The following MCTP1 variants were observed in gnomAD, a reference collection of about 807,000 sequenced individuals.
The protein encoded by MCTP1 is multiple C2 and transmembrane domain containing 1, also known as multiple C2 and transmembrane domain-containing protein 1.
In MCTP1, 69 loss-of-function variants were observed where a neutral mutation model predicts 120.6. That is an observed-to-expected ratio of 0.57 (90% CI 0.47 to 0.70). The LOEUF (loss-of-function observed/expected upper bound fraction) is 0.70, where lower values mean the gene tolerates loss of function less well. Ranked by LOEUF, MCTP1 falls within the 30% of genes least tolerant of loss-of-function variation. The pLI, the probability that MCTP1 is intolerant of heterozygous loss-of-function variation, is 0.00. For missense variants in MCTP1, 1,203 were observed against 1,248.8 expected (o/e 0.96, Z 0.55); for synonymous variants, 529 against 493.1 (o/e 1.07, Z -0.96).
At chr5:95,056,083 AG>A (rs1486096850) in intron 1 of MCTP1, among the ~76,000 whole-genome samples, 1 of 152,220 alleles carries the variant, frequency 6.6e-6, no homozygotes, top group Non-Finnish European at 1.5e-5. Flanking sequence ...AAAATATAAA[AG>A]TATTATGCAA....
At chr5:95,027,773 C>T (rs1049841181) in intron 1 of MCTP1, among the ~76,000 whole-genome samples, 2 of 152,334 alleles carry the variant, frequency 1.3e-5, no homozygotes, top group Non-Finnish European at 2.9e-5. Context: ...CTTACCTCTT[C>T]TGGCCTTCTT....
At chr5:95,137,337 G>A (rs556733374) in intron 1 of MCTP1, among the ~76,000 whole-genome samples, 4 of 152,194 alleles carry the variant, frequency 2.6e-5, no homozygotes, top group East Asian at 1.9e-4. Context: ...CAGCATTGTC[G>A]TCAATAACAC....
intron 17 of MCTP1, among the ~76,000 whole-genome samples, chr5:94,837,229 C>T (rs944718925): frequency 6.6e-6 from 1 of 151,918 alleles, no homozygotes; most frequent in African/African-American, 2.4e-5. Context: ...AATAAAAAAA[C>T]ATTAGCCAGG....
chr5:94,932,052 G>A (rs1814821060), intron 5 of MCTP1, 61 bp from the exon 6 acceptor site: 5 of 1,214,738 alleles, frequency 4.1e-6, no homozygotes, highest in Non-Finnish European at 4.8e-6. Flanking sequence ...AGGGCAGCCA[G>A]TTGTTTTTTA....
At chr5:95,277,493 G>C (rs1291309655) in intron 1 of MCTP1, among the ~76,000 whole-genome samples, 2 of 152,150 alleles carry the variant, frequency 1.3e-5, no homozygotes, top group Non-Finnish European at 2.9e-5. Context: ...CTTTTCCAGA[G>C]GTCTTATCTC....
rs1293742753 is a variant in MCTP1 at position 94,985,006 on chromosome 5, C to T, written c.839-31645G>A. Among the ~76,000 whole-genome samples, 6 of 152,058 alleles carry T rather than the reference C, an allele frequency of 3.9e-5. No individual in the cohort carries two copies. The East Asian group carries it at 9.7e-4, about 24-fold the overall frequency. ...TATCCAAGGCATTTTAAGTACTATACAAAAATGTATGCAAATGTGTGATAA... is the reference window on the plus strand; with the variant it reads ...TATCCAAGGCATTTTAAGTACTATATAAAAATGTATGCAAATGTGTGATAA... On this transcript the variant is annotated intron_variant, in intron 2 of 22. Coordinates refer to ENST00000515393, the MANE Select transcript of MCTP1 (RefSeq NM_024717.7).
rs1561916418 is a variant in MCTP1, at chr5:94,953,848, AC to A, written c.839-488del. Among the ~76,000 whole-genome samples the A allele has an allele frequency of 6.1e-5, 5 of 81,314 alleles. 1 individual carries two copies. Among genetic ancestry groups the A allele is most frequent in the African/African-American group, 2.1e-4 (4 of 19,142 alleles). 53.3% of individuals were successfully genotyped at this position (81,314 alleles called of 152,430 possible). On this transcript the variant is annotated intron_variant, in intron 2 of 22. Transcript: ENST00000515393. Reference sequence around the variant, plus strand: ...ATATATACATATATATATATACACAACTATATATATGCATATATATACAAAT... The same window carrying A: ...ATATATACATATATATATATACACAATATATATATGCATATATATACAAAT...
intron 1 of MCTP1, among the ~76,000 whole-genome samples, chr5:95,214,109 T>C (rs1752742723): frequency 6.6e-6 from 1 of 152,274 alleles, no homozygotes; most frequent in African/African-American, 2.4e-5. Flanking sequence ...TTTGGCAACC[T>C]ACTCATTTGA....
intron 1 of MCTP1, among the ~76,000 whole-genome samples, chr5:95,061,153 A>G (rs981261079): frequency 2.0e-5 from 3 of 151,840 alleles, no homozygotes; most frequent in Admixed American, 6.6e-5. Flanking sequence ...AGTATAACCT[A>G]TGACTCTATG....
At chr5:94,974,082 C>G (rs1044203672) in intron 2 of MCTP1, among the ~76,000 whole-genome samples, 5 of 151,982 alleles carry the variant, frequency 3.3e-5, no homozygotes, top group African/African-American at 1.2e-4. Flanking sequence ...AACATGAAGA[C>G]AAAGTAATAT....
In MCTP1 at chr5:94,888,961, C is replaced by T. The variant is rs1801933702; in HGVS notation, c.1851G>A (p.Arg617=). The change falls in exon 12 of 23, where the codon AGG becomes AGA. Residue 617 remains arginine (R), a synonymous_variant. Transcript: ENST00000515393. The part of the protein sequence containing the change: ...EEILKRYSPL[R]IFHNLKDVGF... ...CCACATCTTTCAGGTTGTGAAATAT[C>T]CTCAATGGGCTCTGAAAGACCCCAA... The T allele has an allele frequency of 1.2e-6, 2 of 1,612,280 alleles. No homozygotes were observed. Among genetic ancestry groups the T allele is most frequent in the Admixed American group, 3.3e-5 (2 of 59,990 alleles).
At position 94,705,984 on chromosome 5, in the gene MCTP1, TAAGA is replaced by T. The variant is rs1384866844; in HGVS notation, c.*1508_*1511del. The T allele has an allele frequency of 1.3e-5, 2 of 151,694 alleles. No homozygotes were observed. The highest frequency in any genetic ancestry group is 3.0e-5 in the Non-Finnish European group (2 of 67,736). 9.4% of individuals were successfully genotyped at this position (151,694 alleles called of 1,614,324 possible). The stretch of plus-strand genomic sequence containing the variant: ...TAAACAGATCAAAATAGTTCTATTA[TAAGA>T]AATAGTATTTAACAACTTATCTCTA... On this transcript the variant is annotated 3_prime_UTR_variant, in exon 23 of 23. Coordinates refer to ENST00000515393, the MANE Select transcript of MCTP1 (RefSeq NM_024717.7).
chr5:95,149,540 G>T (rs1229664984), intron 1 of MCTP1, among the ~76,000 whole-genome samples: 2 of 152,122 alleles, frequency 1.3e-5, no homozygotes, highest in Non-Finnish European at 1.5e-5. Context: ...GGTGGAGTCT[G>T]CCATATGGGT....
chr5:95,033,218 C>T (rs945057082), intron 1 of MCTP1, among the ~76,000 whole-genome samples: 1 of 151,972 alleles, frequency 6.6e-6, no homozygotes, highest in African/African-American at 2.4e-5. Flanking sequence ...CTATCTAATT[C>T]ATTCTATAAA....
chr5:95,216,853 C>G (rs2152583547), intron 1 of MCTP1, among the ~76,000 whole-genome samples: 1 of 152,308 alleles, frequency 6.6e-6, no homozygotes, highest in East Asian at 1.9e-4. Flanking sequence ...TCAAATACTT[C>G]ATCTTTAAAT....
chr5:95,030,287 T>A (rs1485522488), intron 1 of MCTP1, among the ~76,000 whole-genome samples: 1 of 152,186 alleles, frequency 6.6e-6, no homozygotes, highest in African/African-American at 2.4e-5. Flanking sequence ...TTCCTGCCAA[T>A]ACCCCTTCAG....
At chr5:95,176,678 T>C (rs919916332) in intron 1 of MCTP1, among the ~76,000 whole-genome samples, 30 of 152,032 alleles carry the variant, frequency 2.0e-4, no homozygotes, top group Admixed American at 2.0e-3. Context: ...CAAAACCCTG[T>C]CTCTACTAAA....
chr5:94,866,951 G>A (rs1427174139), intron 17 of MCTP1, among the ~76,000 whole-genome samples: 1 of 151,802 alleles, frequency 6.6e-6, no homozygotes, highest in Admixed American at 6.6e-5. Context: ...AAATAGCTGT[G>A]AGGAATGATT....
intron 1 of MCTP1, among the ~76,000 whole-genome samples, chr5:95,267,410 C>T (rs1376673343): frequency 6.6e-6 from 1 of 152,192 alleles, no homozygotes; most frequent in Non-Finnish European, 1.5e-5. Context: ...AATCTCTCCC[C>T]TGAGCACTGA....
Sources: gnomAD v4.1 joint callset for allele counts (sites outside exome capture counted in the v4.1 genomes callset) on GRCh38, gnomAD v4.1.1 for gene constraint, MANE v1.5 for transcripts, NCBI Gene and HGNC (gene_info 2026-07-23, HGNC 2026-07-21) for gene names.